Variants in MRO observed in about 807,000 individuals in gnomAD.
MRO encodes the protein maestro, also known as protein maestro.
In MRO, 28 loss-of-function variants were observed where a neutral mutation model predicts 31.0. The observed-to-expected ratio is 0.90, with a 90% confidence interval of 0.67 to 1.24. MRO has a LOEUF of 1.24. Among genes scored for constraint, MRO ranks in the 50% most tolerant of loss-of-function variants. MRO has a pLI of 0.00. For synonymous variants in MRO, 108 were observed against 108.4 expected (o/e 1.00, Z 0.02); for missense variants, 332 against 289.2 (o/e 1.15, Z -1.07).
intron 2 of MRO, 93 bp downstream of exon 2, chr18:50,819,488 C>G: frequency 6.6e-7 from 1 of 1,509,036 alleles, no homozygotes; most frequent in Non-Finnish European, 8.8e-7. Context: ...ATACTGGTGA[C>G]CAGAGTGACA....
At chr18:50,800,752 G>C (rs770219772) in intron 6 of MRO, among the ~76,000 whole-genome samples, 2 of 152,086 alleles carry the variant, frequency 1.3e-5, no homozygotes, top group Middle Eastern at 3.4e-3. Flanking sequence ...AGGGCGTGGT[G>C]GTGGGCACCT....
chr18:50,821,707 A>G (rs1915311361), upstream of MRO, among the ~76,000 whole-genome samples: 1 of 152,220 alleles, frequency 6.6e-6, no homozygotes. Context: ...TTCATGTTTT[A>G]AGATATTTGA....
intron 2 of MRO, chr18:50,815,363 G>A: frequency 3.9e-6 from 1 of 259,154 alleles, no homozygotes; most frequent in Non-Finnish European, 7.8e-6. Flanking sequence ...GGAGGCTATG[G>A]TGGTGAAGGT....
intron 2 of MRO, among the ~76,000 whole-genome samples, chr18:50,811,782 C>A (rs939569122): frequency 3.7e-5 from 4 of 106,930 alleles, no homozygotes; most frequent in African/African-American, 1.4e-4. Flanking sequence ...GAGACAGAGT[C>A]TTACTCTGTC....
At chr18:50,820,056 AG>A (rs1915245716), upstream of MRO, 1 of 1,191,884 alleles carries the variant, frequency 8.4e-7, no homozygotes, top group Non-Finnish European at 1.2e-6. Flanking sequence ...CTCCCTGCCA[AG>A]GCCCGTTCCC....
Position 50,796,592 on chromosome 18 carries a change from A to T in MRO, c.*2745T>A, listed in dbSNP as rs1280078465. 6.6e-6 allele frequency: 1 copy of T among 152,256 alleles called. No individual in the cohort carries two copies. The highest frequency in any genetic ancestry group is 1.5e-5 in the Non-Finnish European group (1 of 68,144). The allele number at this position is 152,256 out of a possible 1,614,324, so 9.4% of individuals were successfully genotyped here. On this transcript the variant is annotated 3_prime_UTR_variant, in exon 8 of 8. Transcript: ENST00000398439. Reference sequence around the variant, plus strand: ...ATGTGTGTGTGTGTGTGTGCATGTGATTCCAGGTGGGTGTGTACAGGTGAG... The same window carrying T: ...ATGTGTGTGTGTGTGTGTGCATGTGTTTCCAGGTGGGTGTGTACAGGTGAG...
upstream of MRO, among the ~76,000 whole-genome samples, chr18:50,822,687 T>TCCCCCCCCCCCCC (rs1320063733): frequency 2.2e-5 from 3 of 135,306 alleles, no homozygotes; most frequent in African/African-American, 8.4e-5. Context: ...AGGAAATACA[T>TCCCCCCCCCCCCC]CCCCCGCCCC....
At chr18:50,822,413 A>G (rs1568140657), upstream of MRO, among the ~76,000 whole-genome samples, 1 of 152,166 alleles carries the variant, frequency 6.6e-6, no homozygotes, top group East Asian at 1.9e-4. Flanking sequence ...AACTTGGCTC[A>G]CTGCAACCTC....
upstream of MRO, among the ~76,000 whole-genome samples, chr18:50,822,484 C>A (rs932838503): frequency 3.3e-5 from 5 of 152,082 alleles, no homozygotes; most frequent in African/African-American, 4.8e-5. Flanking sequence ...ACTACAGGCG[C>A]CTGCCACCAC....
At chr18:50,822,205 C>G (rs1475173380), upstream of MRO, among the ~76,000 whole-genome samples, 1 of 152,126 alleles carries the variant, frequency 6.6e-6, no homozygotes, top group East Asian at 1.9e-4. Context: ...CTGGAAAAAG[C>G]AAAGAGGGTA....
intron 3 of MRO, among the ~76,000 whole-genome samples, chr18:50,807,379 AC>A (rs1401676686): frequency 6.6e-6 from 1 of 152,074 alleles, no homozygotes; most frequent in African/African-American, 2.4e-5. Context: ...CCTCACCCCT[AC>A]CCTGCCAAAT....
chr18:50,812,320 A>C (rs974331208), intron 2 of MRO, among the ~76,000 whole-genome samples: 1 of 152,108 alleles, frequency 6.6e-6, no homozygotes, highest in Non-Finnish European at 1.5e-5. Context: ...TCTTCTTTGG[A>C]GAAATTTCCA....
At chr18:50,801,250 G>C in intron 6 of MRO, 99 bp downstream of exon 6, 2 of 1,068,836 alleles carry the variant, frequency 1.9e-6, no homozygotes, top group Non-Finnish European at 2.7e-6. Context: ...ATCTACAGCA[G>C]TGCTGGCAGG....
chr18:50,824,407 C>T (rs1218823845), upstream of MRO, among the ~76,000 whole-genome samples: 1 of 151,670 alleles, frequency 6.6e-6, no homozygotes, highest in South Asian at 2.1e-4. Context: ...TGCCACTGCA[C>T]TCCAGCCTGG....
In MRO at chr18:50,801,416, C is replaced by T. The variant is rs1461918808; in HGVS notation, c.518G>A (p.Ser173Asn). 1.2e-6 allele frequency: 2 copies of T among 1,611,270 alleles called. No homozygotes were observed. The highest frequency in any genetic ancestry group is 8.5e-7 in the Non-Finnish European group (1 of 1,178,106). Reference protein sequence around the residue: ...AGRKWKKFFTSQVKQTRDSLL... With the variant: ...AGRKWKKFFTNQVKQTRDSLL... Reference sequence around the variant, plus strand: ...GGAATCTCGTGTCTGCTTAACCTGACTGGTGAAAAATTTTTTCCATTTCCT... The same window carrying T: ...GGAATCTCGTGTCTGCTTAACCTGATTGGTGAAAAATTTTTTCCATTTCCT... Residue 173 changes from serine to asparagine, a missense_variant, in exon 6 of 8, where the codon AGT becomes AAT. Coordinates refer to ENST00000398439, the MANE Select transcript of MRO (RefSeq NM_031939.6).
chr18:50,816,370 A>C (rs749870210), intron 2 of MRO, among the ~76,000 whole-genome samples: 2 of 152,182 alleles, frequency 1.3e-5, no homozygotes, highest in Non-Finnish European at 2.9e-5. Flanking sequence ...CATCAGGTAT[A>C]TTGCCCTGTA....
chr18:50,802,348 G>T (rs751595147), intron 5 of MRO, among the ~76,000 whole-genome samples: 3 of 152,060 alleles, frequency 2.0e-5, no homozygotes, highest in Non-Finnish European at 4.4e-5. Flanking sequence ...AGTGGACTCC[G>T]CCCTCTCTTT....
intron 6 of MRO, 63 bp from the exon 7 acceptor site, chr18:50,800,206 G>T (rs1231987028): frequency 8.3e-7 from 1 of 1,202,212 alleles, no homozygotes; most frequent in Non-Finnish European, 1.2e-6. Context: ...GCAAGGAAAA[G>T]TATCCTAGAG....
At chr18:50,818,777 T>C (rs1292643241) in intron 2 of MRO, among the ~76,000 whole-genome samples, 1 of 152,142 alleles carries the variant, frequency 6.6e-6, no homozygotes, top group Non-Finnish European at 1.5e-5. Context: ...GTAGGCTGCG[T>C]GTGGTGGCTC....
Sources: allele counts gnomAD v4.1 joint callset (sites outside exome capture counted in the v4.1 genomes callset), GRCh38; gene constraint gnomAD v4.1.1; transcripts MANE v1.5; gene names NCBI Gene and HGNC (gene_info 2026-07-23, HGNC 2026-07-21).